OTUD4: variants seen among roughly 807,000 people sequenced by gnomAD.
OTUD4 encodes OTU domain-containing protein 4.
A neutral mutation model predicts 130.4 loss-of-function variants in OTUD4; 24 were observed. The ratio of observed to expected loss-of-function variants is 0.18; its 90% CI spans 0.13 to 0.26. The LOEUF (loss-of-function observed/expected upper bound fraction) is 0.26. Ranked by LOEUF, OTUD4 falls within the 10% of genes least tolerant of loss-of-function variation. The probability of loss-of-function intolerance (pLI) is 1.00; values close to 1 mark genes in which losing one functional copy is unlikely to be tolerated. For synonymous variants in OTUD4, 420 were observed against 472.5 expected (o/e 0.89, Z 1.44); for missense variants, 1,031 against 1,329.4 (o/e 0.78, Z 3.49).
rs369239820 is a variant in OTUD4, at chr4:145,171,795, A to G, written c.244-75T>C. ...CAGTTAACCGCTTCGCTGTGTAAAC[A>G]TTCACTGTGAATTACTGAGTTTGTA... On this transcript the variant is annotated intron_variant, in intron 2 of 20. Transcript: ENST00000447906. 93 of 756,556 alleles carry G rather than the reference A, an allele frequency of 1.2e-4. No individual in the cohort carries two copies. In the East Asian group the frequency reaches 2.0e-3, roughly 16 times the overall value. The allele number at this position is 756,556 out of a possible 1,614,324, so 46.9% of individuals were successfully genotyped here. A position where few individuals can be genotyped will look rare whatever the true frequency, so the allele number is the denominator to read the frequency against.
At chr4:145,150,475 CTTGAT>C (rs1553998513) in intron 13 of OTUD4, 33 bp downstream of exon 13, 29 of 1,440,546 alleles carry the variant, frequency 2.0e-5, no homozygotes, top group Admixed American at 3.6e-5. Context: ...ATGCCTCTTA[CTTGAT>C]TTCTATACTT....
chr4:145,177,592 G>C (rs1254081511), intron 1 of OTUD4, among the ~76,000 whole-genome samples: 1 of 152,198 alleles, frequency 6.6e-6, no homozygotes, highest in African/African-American at 2.4e-5. Flanking sequence ...ACAAGATAGT[G>C]ATAAATACTG....
chr4:145,150,141 T>A (rs1750999302), intron 13 of OTUD4, among the ~76,000 whole-genome samples: 1 of 152,198 alleles, frequency 6.6e-6, no homozygotes. Flanking sequence ...TGTTTTAAGT[T>A]CTTGTACAAA....
intron 6 of OTUD4, among the ~76,000 whole-genome samples, chr4:145,161,187 T>A (rs1456975879): frequency 6.6e-6 from 1 of 152,140 alleles, no homozygotes; most frequent in Admixed American, 6.6e-5. Flanking sequence ...AGAGACTTCC[T>A]TCTTATAGAC....
At chr4:145,166,984 G>GA (rs907772324) in intron 3 of OTUD4, among the ~76,000 whole-genome samples, 6 of 152,000 alleles carry the variant, frequency 3.9e-5, no homozygotes, top group Non-Finnish European at 5.9e-5. Flanking sequence ...TACTATTTGT[G>GA]AAAAACAAAA....
intron 3 of OTUD4, among the ~76,000 whole-genome samples, chr4:145,169,211 G>C (rs938894416): frequency 6.6e-6 from 1 of 152,166 alleles, no homozygotes; most frequent in Admixed American, 6.5e-5. Flanking sequence ...TGTTTGCTGT[G>C]GTGGTTACAT....
chr4:145,177,707 G>GT (rs1561003790), intron 1 of OTUD4, among the ~76,000 whole-genome samples: 2 of 152,176 alleles, frequency 1.3e-5, no homozygotes, highest in African/African-American at 4.8e-5. Context: ...GCCCAAATCC[G>GT]TAAGTGTAAA....
intron 11 of OTUD4, 35 bp downstream of exon 11, chr4:145,152,506 G>A (rs772769204): frequency 5.5e-6 from 6 of 1,098,864 alleles, no homozygotes; most frequent in Non-Finnish European, 8.2e-6. Context: ...AAATGGAGGA[G>A]GCAGTAAATG....
chr4:145,177,062 T>A (rs1039885083), intron 1 of OTUD4, among the ~76,000 whole-genome samples: 24 of 152,250 alleles, frequency 1.6e-4, no homozygotes, highest in African/African-American at 5.5e-4. Flanking sequence ...ATAACCACCG[T>A]AGAATTTTTT....
Position 145,155,988 on chromosome 4 carries a change from G to A in OTUD4, c.638C>T (p.Thr213Ile), listed in dbSNP as rs149591890. The change falls in exon 8 of 21, where the codon ACT (threonine) becomes ATT (isoleucine). Residue 213 changes from threonine to isoleucine, a missense_variant. This residue lies in a region of OTUD4 where 900 missense variants were observed against 1,095.9 expected (regional missense o/e 0.82). Transcript: ENST00000447906. ...DSEDDSCKSK[T>I]AAAAADVNGF... The stretch of plus-strand genomic sequence containing the variant: ...ATTCACATCAGCAGCAGCAGCAGCA[G>A]TCTTACTCCTACAAAGAAAGATAAC... 9 of 1,609,552 alleles carry A rather than the reference G, an allele frequency of 5.6e-6. No homozygotes were observed. The African/African-American group carries it at 1.2e-4, about 22-fold the overall frequency.
In OTUD4 at chr4:145,137,795, T is replaced by C. The variant is rs1181213119; in HGVS notation, c.2980A>G (p.Lys994Glu). Residue 994 changes from lysine (K) to glutamate (E), a missense_variant, in exon 21 of 21, where the codon AAA becomes GAA. Lys to Glu is a moderately conservative substitution (Grantham distance 56). Coordinates refer to ENST00000447906, the MANE Select transcript of OTUD4 (RefSeq NM_001366057.1). ...TIQSLKEKTE[K>E]VKDPKTAADV... is the part of the protein sequence containing the mutation. Reference sequence around the variant, plus strand: ...GCAGCAGTCTTAGGATCTTTTACTTTTTCTGTTTTTTCTTTCAGGCTTTGA... The same window carrying C: ...GCAGCAGTCTTAGGATCTTTTACTTCTTCTGTTTTTTCTTTCAGGCTTTGA... 1.1e-5 allele frequency: 18 copies of C among 1,613,926 alleles called. No individual in the cohort carries two copies.
intron 1 of OTUD4, 146 bp downstream of exon 1, chr4:145,179,669 C>T (rs1444873528): frequency 7.1e-7 from 1 of 1,404,750 alleles, no homozygotes. Context: ...CCCACTCCGG[C>T]GTTACAATGG....
At chr4:145,160,866 T>C (rs1751527351) in intron 6 of OTUD4, among the ~76,000 whole-genome samples, 1 of 150,856 alleles carries the variant, frequency 6.6e-6, no homozygotes, top group Non-Finnish European at 1.5e-5. Context: ...TTCCAGCACT[T>C]TGGGAGGCTG....
intron 9 of OTUD4, 46 bp downstream of exon 9, chr4:145,155,523 A>G: frequency 6.3e-7 from 1 of 1,596,852 alleles, no homozygotes; most frequent in Non-Finnish European, 8.5e-7. Context: ...ACTTATTTTC[A>G]AGTGCTACAA....
chr4:145,146,461 CATAAATAAATAAATAA>C, intron 13 of OTUD4, 32 bp from the exon 14 acceptor site: 1 of 944,078 alleles, frequency 1.1e-6, no homozygotes, highest in South Asian at 2.4e-5. Context: ...TCAGAAAATA[CATAAATAAATAAATAA>C]ATAAATAAAT....
rs1463244951 is a variant in OTUD4 at position 145,135,193 on chromosome 4, C to A, written c.*2237G>T. The A allele has an allele frequency of 2.9e-5, 6 of 210,258 alleles. No homozygotes were observed. The highest frequency in any genetic ancestry group is 3.8e-5 in the Non-Finnish European group (4 of 106,406). The allele number at this position is 210,258 out of a possible 1,614,324, so 13.0% of individuals were successfully genotyped here. On this transcript the variant is annotated 3_prime_UTR_variant, in exon 21 of 21. Transcript: ENST00000447906. ...GAGAAAAGTACCATCTGCTAAAATTCTCTTTCAAGCACTTCTTCCATCATA... is the reference window on the plus strand; with the variant it reads ...GAGAAAAGTACCATCTGCTAAAATTATCTTTCAAGCACTTCTTCCATCATA...
intron 4 of OTUD4, 51 bp downstream of exon 4, chr4:145,165,095 GAATAT>G: frequency 1.1e-6 from 1 of 941,036 alleles, no homozygotes; most frequent in South Asian, 1.8e-5. Context: ...TAATATAATG[GAATAT>G]AATTTCCCAC....
rs1750276033 is a variant in OTUD4 at position 145,136,486 on chromosome 4, A to ACC, written c.*943_*944insGG. 1 of 69,240 alleles carries ACC rather than the reference A, an allele frequency of 1.4e-5. No individual in the cohort carries two copies. The highest frequency in any genetic ancestry group is 8.5e-5 in the African/African-American group (1 of 11,774). 4.3% of individuals were successfully genotyped at this position (69,240 alleles called of 1,614,324 possible). A position where few individuals can be genotyped will look rare whatever the true frequency, so the allele number is the denominator to read the frequency against. ...TGCGGGGGGGGGGGGGAGGAAGAAA[A>ACC]CAACTCTAGAAACCTGTCAAGCTAA... On this transcript the variant is annotated 3_prime_UTR_variant, in exon 21 of 21. Transcript: ENST00000447906.
At chr4:145,166,608 G>A (rs1252235730) in intron 3 of OTUD4, among the ~76,000 whole-genome samples, 6 of 152,134 alleles carry the variant, frequency 3.9e-5, no homozygotes, top group African/African-American at 7.2e-5. Flanking sequence ...TTGGGAGGCC[G>A]AGACAGGCAG....
Sources: allele counts gnomAD v4.1 joint callset (sites outside exome capture counted in the v4.1 genomes callset), GRCh38; gene constraint gnomAD v4.1.1; regional missense constraint gnomAD v4.1.1; transcripts MANE v1.5; gene names NCBI Gene and HGNC (gene_info 2026-07-23, HGNC 2026-07-21).